The following MCTP1 variants were observed in gnomAD, a reference collection of about 807,000 sequenced individuals.
MCTP1 encodes the protein multiple C2 and transmembrane domain-containing protein 1.
In MCTP1, 69 loss-of-function variants were observed where a neutral mutation model predicts 120.6. The observed-to-expected ratio is 0.57, with a 90% CI of 0.47 to 0.70. The LOEUF is 0.70. Among genes scored for constraint, MCTP1 ranks in the 30% least tolerant of loss-of-function variants. The pLI is 0.00. For synonymous variants in MCTP1, 529 were observed against 493.1 expected, an observed-to-expected ratio of 1.07 and a Z score of -0.96; for missense variants, 1,203 against 1,248.8, an observed-to-expected ratio of 0.96 and a Z score of 0.55.
chr5:94,865,180 T>C (rs1271361954), intron 17 of MCTP1, among the ~76,000 whole-genome samples: 2 of 151,864 alleles, frequency 1.3e-5, no homozygotes, highest in African/African-American at 4.8e-5. Flanking sequence ...GACTCTTCCC[T>C]GTGGCACAGA....
In MCTP1 at chr5:95,111,625, G is replaced by A. The variant is rs572400268; in HGVS notation, c.721-94141C>T. Among the ~76,000 whole-genome samples the A allele has an allele frequency of 2.6e-5, 4 of 152,204 alleles. No individual in the cohort carries two copies. The South Asian group carries it at 8.3e-4, about 32-fold the overall frequency. Reference sequence around the variant, plus strand: ...TCAAGGTCAGATTAACCAAAAAGATGTTTGGTATAGACAGAACTTTTCACT... The same window carrying A: ...TCAAGGTCAGATTAACCAAAAAGATATTTGGTATAGACAGAACTTTTCACT... On this transcript the variant is annotated intron_variant, in intron 1 of 22. Transcript: ENST00000515393.
At chr5:94,733,540 A>G in intron 19 of MCTP1, among the ~76,000 whole-genome samples, 1 of 152,244 alleles carries the variant, frequency 6.6e-6, no homozygotes, top group East Asian at 1.9e-4. Flanking sequence ...GGGATAATCC[A>G]TATCTTAAAG....
intron 19 of MCTP1, among the ~76,000 whole-genome samples, chr5:94,723,330 T>C (rs896057324): frequency 6.6e-6 from 1 of 152,228 alleles, no homozygotes; most frequent in African/African-American, 2.4e-5. Context: ...TTTAACAAGA[T>C]AGTATATTTT....
chr5:94,853,726 T>C (rs1015440638), intron 17 of MCTP1, among the ~76,000 whole-genome samples: 1 of 151,944 alleles, frequency 6.6e-6, no homozygotes, highest in African/African-American at 2.4e-5. Context: ...CTCTACTTGC[T>C]CTCTGATATC....
intron 1 of MCTP1, among the ~76,000 whole-genome samples, chr5:95,209,541 T>C (rs1276490233): frequency 2.0e-5 from 3 of 152,194 alleles, no homozygotes; most frequent in Middle Eastern, 3.2e-3. Flanking sequence ...CAACTTTCAA[T>C]GCCATCCATG....
At chr5:94,765,218 G>A (rs1391722842) in intron 19 of MCTP1, among the ~76,000 whole-genome samples, 1 of 151,720 alleles carries the variant, frequency 6.6e-6, no homozygotes, top group Non-Finnish European at 1.5e-5. Context: ...AACACAACAT[G>A]CCAAAACCTA....
intron 7 of MCTP1, among the ~76,000 whole-genome samples, chr5:94,923,571 A>C (rs1299850232): frequency 6.6e-6 from 1 of 152,128 alleles, no homozygotes; most frequent in Admixed American, 6.5e-5. Flanking sequence ...ACTGTAACAG[A>C]AGTAAATATT....
At chr5:95,251,484 C>T (rs981791026) in intron 1 of MCTP1, among the ~76,000 whole-genome samples, 1 of 152,062 alleles carries the variant, frequency 6.6e-6, no homozygotes. Context: ...GAAAGAATTA[C>T]TCACTAGAAG....
chr5:94,783,922 T>C (rs1409381068), intron 18 of MCTP1, among the ~76,000 whole-genome samples: 1 of 152,116 alleles, frequency 6.6e-6, no homozygotes, highest in African/African-American at 2.4e-5. Context: ...CTTTCGTGTG[T>C]TTACTTCTTT....
chr5:95,182,883 G>A (rs142588045), intron 1 of MCTP1, among the ~76,000 whole-genome samples: 1,597 of 152,054 alleles, frequency 0.011, 14 homozygotes, highest in Middle Eastern at 0.031. Context: ...AAAATTAGCC[G>A]GACATGGTGG....
intron 19 of MCTP1, among the ~76,000 whole-genome samples, chr5:94,734,598 T>TA (rs57225601): frequency 0.012 from 1,827 of 152,218 alleles, 45 homozygotes; most frequent in African/African-American, 0.042. Flanking sequence ...GCTGGGACTA[T>TA]AGGCTGTGCC....
intron 1 of MCTP1, among the ~76,000 whole-genome samples, chr5:95,164,157 A>G (rs1167444256): frequency 1.3e-5 from 2 of 152,194 alleles, no homozygotes; most frequent in Admixed American, 1.3e-4. Flanking sequence ...CTTTGAAAAT[A>G]GATTGAGGTT....
chr5:94,791,698 T>A (rs1189645397), intron 18 of MCTP1: 1 of 152,192 alleles, frequency 6.6e-6, no homozygotes. Flanking sequence ...TTTACATTTG[T>A]AAGTATATTT....
intron 20 of MCTP1, among the ~76,000 whole-genome samples, chr5:94,714,192 A>T (rs1580244957): frequency 2.0e-5 from 3 of 152,284 alleles, no homozygotes; most frequent in Middle Eastern, 6.8e-3. Context: ...ATTTTATTTT[A>T]AAAAGTTAAG....
intron 1 of MCTP1, among the ~76,000 whole-genome samples, chr5:95,028,025 GAC>G (rs1839598889): frequency 6.6e-6 from 1 of 152,130 alleles, no homozygotes; most frequent in African/African-American, 2.4e-5. Flanking sequence ...ACCCCTGAGG[GAC>G]TAGCTCACCA....
intron 3 of MCTP1, among the ~76,000 whole-genome samples, chr5:94,950,465 T>C (rs951902880): frequency 1.3e-5 from 2 of 152,184 alleles, no homozygotes; most frequent in African/African-American, 4.8e-5. Context: ...CCTTCTGGCC[T>C]GCATACAGTG....
chr5:95,034,729 T>G (rs1840937594), intron 1 of MCTP1, among the ~76,000 whole-genome samples: 2 of 151,820 alleles, frequency 1.3e-5, no homozygotes, highest in Admixed American at 6.6e-5. Flanking sequence ...CAAATGGGAC[T>G]TAAGCTAAAG....
chr5:95,080,790 T>C (rs1177304782), intron 1 of MCTP1, among the ~76,000 whole-genome samples: 1 of 152,138 alleles, frequency 6.6e-6, no homozygotes, highest in African/African-American at 2.4e-5. Context: ...GCCATGCAAT[T>C]TGTATGACTG....
intron 7 of MCTP1, among the ~76,000 whole-genome samples, chr5:94,920,350 T>C (rs770289656): frequency 6.7e-5 from 10 of 149,144 alleles, no homozygotes; most frequent in Non-Finnish European, 1.2e-4. Flanking sequence ...TACTTAAAAA[T>C]GGAGATAATT....
Sources: allele counts gnomAD v4.1 joint callset (sites outside exome capture counted in the v4.1 genomes callset), GRCh38; gene constraint gnomAD v4.1.1; transcripts MANE v1.5; gene names NCBI Gene and HGNC (gene_info 2026-07-23, HGNC 2026-07-21).